TENM1: variants seen among roughly 807,000 people sequenced by gnomAD.
TENM1 encodes teneurin transmembrane protein 1.
Under a neutral mutation model 174.8 loss-of-function variants are expected in TENM1, and 35 were observed. The ratio of observed to expected loss-of-function variants is 0.20; its 90% confidence interval spans 0.15 to 0.27. TENM1 has a LOEUF of 0.27. Ranked by LOEUF, TENM1 falls within the 10% of genes least tolerant of loss-of-function variation. The probability of loss-of-function intolerance (pLI) is 1.00; values close to 1 mark genes in which losing one functional copy is unlikely to be tolerated. For missense variants in TENM1, 1,633 were observed against 2,130.1 expected, an observed-to-expected ratio of 0.77 and a Z score of 4.59; for synonymous variants, 781 against 798.7, an observed-to-expected ratio of 0.98 and a Z score of 0.37.
At chrX:124,681,311 A>G (rs150583880) in intron 5 of TENM1, among the ~76,000 whole-genome samples, 13 of 111,842 alleles carry the variant, frequency 1.2e-4, no homozygotes, top group Non-Finnish European at 2.3e-4. Flanking sequence ...CATCTGCCTT[A>G]TAAGATGTGA....
At chrX:124,784,321 CA>C (rs770152239) in intron 3 of TENM1, among the ~76,000 whole-genome samples, 11 of 110,347 alleles carry the variant, frequency 1.0e-4, no homozygotes, top group African/African-American at 3.6e-4. Flanking sequence ...AATAGGCCCA[CA>C]GTAAACAGAA....
intron 3 of TENM1, among the ~76,000 whole-genome samples, chrX:124,770,309 C>T (rs1406109082): frequency 1.3e-4 from 15 of 111,722 alleles, no homozygotes; most frequent in Non-Finnish European, 7.5e-5. Flanking sequence ...TCTTATTCAT[C>T]TTTCCATTAT....
At chrX:124,895,874 C>G in intron 2 of TENM1, 107 bp downstream of exon 5, 7 of 968,897 alleles carry the variant, frequency 7.2e-6, no homozygotes, top group Non-Finnish European at 1.0e-5. Context: ...TATTTCCATT[C>G]TGCATATTAA....
At chrX:125,150,907 T>C in the TENM1 span, among the ~76,000 whole-genome samples, 1 of 112,553 alleles carries the variant, frequency 8.9e-6, no homozygotes, top group East Asian at 2.8e-4. Flanking sequence ...ATGTTTGACA[T>C]TCCCTATTGT....
chrX:125,085,201 C>A, the TENM1 span, among the ~76,000 whole-genome samples: 1 of 110,401 alleles, frequency 9.1e-6, no homozygotes, highest in African/African-American at 3.3e-5. Context: ...AAAAATGTTA[C>A]CTACACAAAT....
intron 22 of TENM1, among the ~76,000 whole-genome samples, chrX:124,455,337 C>T (rs1242003393): frequency 4.5e-5 from 5 of 111,479 alleles, no homozygotes; most frequent in East Asian, 2.8e-4. Flanking sequence ...ATGATGATGG[C>T]GTATGAACAA....
At chrX:124,921,484 T>C (rs1038243434) in intron 1 of TENM1, among the ~76,000 whole-genome samples, 2 of 111,906 alleles carry the variant, frequency 1.8e-5, no homozygotes, top group Admixed American at 9.5e-5. Flanking sequence ...AGATAGAATA[T>C]GCTTCTAACT....
chrX:124,721,618 T>C lies in TENM1; in HGVS notation c.776+15339A>G, dbSNP rs185080061. Among the ~76,000 whole-genome samples the C allele has an allele frequency of 2.8e-3, 313 of 111,162 alleles. 5 individuals are homozygous for C. The highest frequency in any genetic ancestry group is 0.01 in the African/African-American group (307 of 30,547). On this transcript the variant is annotated intron_variant, in intron 4 of 31. Coordinates refer to ENST00000422452, the Ensembl canonical transcript of TENM1. ...AAAGACAAAAAGAGATGGCGTGGAG[T>C]TCTTTATATACCAGAGACAAATTGT...
At chrX:124,622,126 C>T (rs1320232950) in intron 11 of TENM1, among the ~76,000 whole-genome samples, 2 of 112,110 alleles carry the variant, frequency 1.8e-5, no homozygotes, top group Non-Finnish European at 3.8e-5. Context: ...GGTTACTTTT[C>T]ATTACACTGC....
chrX:124,739,132 G>C (rs1054680505), intron 3 of TENM1, among the ~76,000 whole-genome samples: 2 of 111,714 alleles, frequency 1.8e-5, no homozygotes, highest in Admixed American at 1.9e-4. Context: ...GACTTGGACT[G>C]GGATGTATGG....
intron 22 of TENM1, among the ~76,000 whole-genome samples, chrX:124,471,185 A>T (rs868474722): frequency 3.0e-5 from 2 of 66,137 alleles, no homozygotes; most frequent in East Asian, 4.4e-4. Flanking sequence ...GTACTATATA[A>T]TATATATTAT....
At chrX:125,081,893 T>C in the TENM1 span, among the ~76,000 whole-genome samples, 2 of 110,644 alleles carry the variant, frequency 1.8e-5, no homozygotes, top group East Asian at 5.7e-4. Context: ...GAGACAGACA[T>C]AGACAAATAT....
At chrX:124,825,246 C>T (rs1463611239) in intron 3 of TENM1, among the ~76,000 whole-genome samples, 3 of 101,771 alleles carry the variant, frequency 2.9e-5, no homozygotes, top group East Asian at 3.0e-4. Flanking sequence ...CTCCGCCTCC[C>T]GGGTTCCAGT....
At chrX:124,484,001 G>A (rs1475860357) in intron 21 of TENM1, among the ~76,000 whole-genome samples, 1 of 111,886 alleles carries the variant, frequency 8.9e-6, no homozygotes. Context: ...TCCCATCCAC[G>A]ATAACAAATT....
intron 3 of TENM1, among the ~76,000 whole-genome samples, chrX:124,772,163 G>T (rs185290205): frequency 1.8e-5 from 2 of 110,421 alleles, no homozygotes; most frequent in East Asian, 5.7e-4. Flanking sequence ...TGAGACAGAG[G>T]CTTGCTTTGT....
chrX:124,584,137 C>G (rs1443258826), intron 11 of TENM1, among the ~76,000 whole-genome samples: 1 of 109,826 alleles, frequency 9.1e-6, no homozygotes, highest in African/African-American at 3.3e-5. Context: ...GAGAACTTCC[C>G]AAATCTAGCA....
chrX:124,383,134 A>G (rs2060178888), intron 30 of TENM1, among the ~76,000 whole-genome samples: 1 of 109,460 alleles, frequency 9.1e-6, no homozygotes, highest in Non-Finnish European at 1.9e-5. Context: ...TTTAGTAGAG[A>G]TGGGGTTTCA....
At chrX:125,083,407 A>G in the TENM1 span, among the ~76,000 whole-genome samples, 5 of 110,233 alleles carry the variant, frequency 4.5e-5, no homozygotes, top group South Asian at 1.5e-3. Flanking sequence ...CTTATCTCTC[A>G]AGTCTAATTA....
chrX:124,984,142 G>C, the TENM1 span, among the ~76,000 whole-genome samples: 1 of 112,028 alleles, frequency 8.9e-6, no homozygotes, highest in Admixed American at 9.4e-5. Flanking sequence ...ACACATACAA[G>C]AAATCCCTTT....
Sources: gnomAD v4.1 joint callset for allele counts (sites outside exome capture counted in the v4.1 genomes callset) on GRCh38, gnomAD v4.1.1 for gene constraint, MANE v1.5 for transcripts, NCBI Gene and HGNC (gene_info 2026-07-23, HGNC 2026-07-21) for gene names.